SENP6: variants seen among roughly 807,000 people sequenced by gnomAD.
The protein encoded by SENP6 is SUMO specific peptidase 6.
In SENP6, 41 loss-of-function variants were observed where a neutral mutation model predicts 134.5. That is an observed-to-expected ratio of 0.30 (90% CI 0.24 to 0.40). SENP6 has a LOEUF of 0.40. SENP6 is among the 10% of genes least tolerant of loss of function. The pLI is 1.00. For missense variants in SENP6, 1,248 were observed against 1,312.5 expected (o/e 0.95, Z 0.76); for synonymous variants, 395 against 429.8 (o/e 0.92, Z 1.00).
At chr6:75,649,626 T>C (rs995767261) in intron 7 of SENP6, among the ~76,000 whole-genome samples, 4 of 151,996 alleles carry the variant, frequency 2.6e-5, no homozygotes, top group African/African-American at 9.7e-5. Flanking sequence ...CAAATAATTC[T>C]CTGCCTCAGC....
intron 7 of SENP6, among the ~76,000 whole-genome samples, chr6:75,648,279 A>G (rs1395129455): frequency 6.6e-6 from 1 of 152,200 alleles, no homozygotes; most frequent in Admixed American, 6.5e-5. Flanking sequence ...ATATTTTTCA[A>G]TATACTGGTT....
chr6:75,624,796 A>G (rs2149831721), intron 3 of SENP6, among the ~76,000 whole-genome samples: 1 of 152,242 alleles, frequency 6.6e-6, no homozygotes, highest in South Asian at 2.1e-4. Flanking sequence ...TGAAATCTAG[A>G]TGCATCTTAT....
intron 1 of SENP6, among the ~76,000 whole-genome samples, chr6:75,619,323 T>C (rs1290302742): frequency 1.3e-5 from 2 of 152,194 alleles, no homozygotes; most frequent in East Asian, 3.8e-4. Context: ...TGTGGAATCA[T>C]ACAATATTTG....
chr6:75,675,347 T>A (rs1015525906), intron 11 of SENP6, 88 bp from the exon 12 acceptor site: 6 of 746,728 alleles, frequency 8.0e-6, no homozygotes, highest in African/African-American at 3.7e-5. Context: ...ACGAGTAATA[T>A]AAGAAACATT....
At chr6:75,697,566 T>G (rs376980734) in intron 18 of SENP6, 49 bp downstream of exon 18, 39 of 1,306,874 alleles carry the variant, frequency 3.0e-5, no homozygotes, top group Non-Finnish European at 3.9e-5. Flanking sequence ...ATGTAAATGA[T>G]GGCAATTTTT....
intron 3 of SENP6, among the ~76,000 whole-genome samples, chr6:75,630,290 A>G (rs1464936043): frequency 6.6e-6 from 1 of 151,998 alleles, no homozygotes; most frequent in African/African-American, 2.4e-5. Flanking sequence ...GGCTGGTCTC[A>G]AACTCCTAAC....
At chr6:75,678,531 T>C (rs530407003) in intron 14 of SENP6, 52 bp from the exon 15 acceptor site, 2 of 891,874 alleles carry the variant, frequency 2.2e-6, no homozygotes, top group East Asian at 4.9e-5. Context: ...ACCCTTTTTA[T>C]TGAAACTTTT....
At position 75,635,608 on chromosome 6, in the gene SENP6, A is replaced by T. The variant is rs1434074451; in HGVS notation, c.458+797A>T. ...ATGTTAAGTAACCTCATACTTTATG[A>T]TAAACCAACCTTTTGTTTTTGCCTT... On this transcript the variant is annotated intron_variant, in intron 5 of 23. Transcript: ENST00000447266. Among the ~76,000 whole-genome samples, 6 of 152,262 alleles carry T rather than the reference A, an allele frequency of 3.9e-5. No homozygotes were observed. In the South Asian group the frequency reaches 1.0e-3, roughly 26 times the overall value.
intron 5 of SENP6, among the ~76,000 whole-genome samples, chr6:75,640,264 G>A (rs1769922496): frequency 6.6e-6 from 1 of 152,148 alleles, no homozygotes; most frequent in South Asian, 2.1e-4. Flanking sequence ...TAATCAGAAA[G>A]TGTGGTTGAC....
chr6:75,700,251 G>A (rs184696466), intron 18 of SENP6, among the ~76,000 whole-genome samples: 16 of 152,218 alleles, frequency 1.1e-4, no homozygotes, highest in South Asian at 2.1e-4. Flanking sequence ...TAAAGTTAAC[G>A]TAGCTGTTAT....
At chr6:75,677,831 T>C (rs962748183) in intron 14 of SENP6, 2 of 152,246 alleles carry the variant, frequency 1.3e-5, no homozygotes, top group African/African-American at 4.8e-5. Flanking sequence ...CAAACATAAT[T>C]TTAAAACTCT....
In SENP6 at chr6:75,705,924, C is replaced by CTTTTTTTTTTTTTTTTTTTTTTTTTT. The variant is rs1562073188; in HGVS notation, c.2716+2852_2716+2853insTTTTTTTTTTTTTTTTTTTTTTTTTT. ...AGTGAGTTAGAAAGCTATTTTTGAGCCTTTTTTTTTTTTTTTTTTTTTTTT... is the reference window on the plus strand; with the variant it reads ...AGTGAGTTAGAAAGCTATTTTTGAGCTTTTTTTTTTTTTTTTTTTTTTTTTTCTTTTTTTTTTTTTTTTTTTTTTTT... On this transcript the variant is annotated intron_variant, in intron 19 of 23. Coordinates refer to ENST00000447266, the MANE Select transcript of SENP6 (RefSeq NM_015571.4). Among the ~76,000 whole-genome samples, 571 of 89,272 alleles carry CTTTTTTTTTTTTTTTTTTTTTTTTTT rather than the reference C, an allele frequency of 6.4e-3. 188 individuals are homozygous for CTTTTTTTTTTTTTTTTTTTTTTTTTT. The highest frequency in any genetic ancestry group is 0.01 in the Non-Finnish European group (465 of 46,096). 58.6% of individuals were successfully genotyped at this position (89,272 alleles called of 152,430 possible).
intron 21 of SENP6, among the ~76,000 whole-genome samples, chr6:75,712,569 A>AT (rs148607837): frequency 0.059 from 8,890 of 151,946 alleles, 361 homozygotes; most frequent in Middle Eastern, 0.092. Flanking sequence ...AATAACCTAG[A>AT]TTTTTTTTAA....
At chr6:75,681,642 T>C (rs566695394) in intron 16 of SENP6, among the ~76,000 whole-genome samples, 5 of 152,210 alleles carry the variant, frequency 3.3e-5, no homozygotes, top group East Asian at 1.9e-4. Context: ...GGTAGTTCTT[T>C]AGAGCAGTGA....
chr6:75,670,534 ATT>A lies in SENP6; in HGVS notation c.1225-16_1225-15del. The A allele has an allele frequency of 6.4e-7, 1 of 1,572,864 alleles. No individual in the cohort carries two copies. Among genetic ancestry groups the A allele is most frequent in the Non-Finnish European group, 8.7e-7 (1 of 1,152,630 alleles). Reference sequence around the variant, plus strand: ...TATTTTAGTAAATTATTAAGTGAACATTTTCTTTTCCTTTTTAGTTTGGCAAT... The same window carrying A: ...TATTTTAGTAAATTATTAAGTGAACATTCTTTTCCTTTTTAGTTTGGCAAT... On this transcript the variant is annotated splice_polypyrimidine_tract_variant and intron_variant, in intron 10 of 23. Transcript: ENST00000447266.
chr6:75,653,091 C>T (rs760307496), intron 7 of SENP6, among the ~76,000 whole-genome samples: 4 of 151,880 alleles, frequency 2.6e-5, no homozygotes, highest in African/African-American at 4.8e-5. Context: ...TGTGCAATGG[C>T]GCAATCTCAG....
At chr6:75,644,001 A>G (rs140654779) in intron 6 of SENP6, 49 of 152,258 alleles carry the variant, frequency 3.2e-4, no homozygotes, top group African/African-American at 1.1e-3. Flanking sequence ...AATTTGGAGA[A>G]ATGGCTGATT....
intron 16 of SENP6, among the ~76,000 whole-genome samples, chr6:75,686,717 T>C (rs944476872): frequency 7.2e-5 from 11 of 152,208 alleles, no homozygotes; most frequent in African/African-American, 2.2e-4. Flanking sequence ...GAATGTTGAA[T>C]ATTGGCCCCC....
intron 7 of SENP6, among the ~76,000 whole-genome samples, chr6:75,652,683 C>CAAAAAAAAAAAAAAAA (rs71002754): frequency 9.8e-4 from 74 of 75,848 alleles, no homozygotes; most frequent in South Asian, 1.8e-3. Context: ...CTAAAAATCT[C>CAAAAAAAAAAAAAAAA]AAAAAAAAAA....
Sources: allele counts gnomAD v4.1 joint callset (sites outside exome capture counted in the v4.1 genomes callset), GRCh38; gene constraint gnomAD v4.1.1; transcripts MANE v1.5; gene names NCBI Gene and HGNC (gene_info 2026-07-23, HGNC 2026-07-21).